Variants in ADAMTS17 observed in about 807,000 individuals in gnomAD.
ADAMTS17 encodes the protein A disintegrin and metalloproteinase with thrombospondin motifs 17.
Under a neutral mutation model 141.5 loss-of-function variants are expected in ADAMTS17, and 113 were observed. The observed-to-expected ratio is 0.80, with a 90% CI of 0.69 to 0.93. The LOEUF (loss-of-function observed/expected upper bound fraction) is 0.93, where lower values mean the gene tolerates loss of function less well. Ranked by LOEUF, ADAMTS17 falls within the 40% of genes least tolerant of loss-of-function variation. The pLI, the probability that ADAMTS17 is intolerant of heterozygous loss-of-function variation, is 0.00. For synonymous variants in ADAMTS17, 768 were observed against 630.6 expected, an observed-to-expected ratio of 1.22 and a Z score of -3.27; for missense variants, 1,659 against 1,517.9, an observed-to-expected ratio of 1.09 and a Z score of -1.54.
chr15:100,279,426 T>G (rs965486358), intron 4 of ADAMTS17, among the ~76,000 whole-genome samples: 1 of 152,074 alleles, frequency 6.6e-6, no homozygotes, highest in African/African-American at 2.4e-5. Flanking sequence ...ATTCCGGGAA[T>G]AGGCATGTCA....
At chr15:100,242,739 A>T (rs1270028318) in intron 7 of ADAMTS17, among the ~76,000 whole-genome samples, 1 of 152,200 alleles carries the variant, frequency 6.6e-6, no homozygotes, top group Non-Finnish European at 1.5e-5. Flanking sequence ...TTTTTCTTGG[A>T]CAAAATCTCA....
intron 10 of ADAMTS17, among the ~76,000 whole-genome samples, chr15:100,134,558 G>T (rs555841844): frequency 1.3e-5 from 2 of 152,168 alleles, no homozygotes; most frequent in East Asian, 1.9e-4. Flanking sequence ...GGTGGTCACC[G>T]TGTGGTTTGC....
intron 19 of ADAMTS17, among the ~76,000 whole-genome samples, chr15:99,994,902 G>A (rs1282768196): frequency 1.3e-5 from 2 of 152,254 alleles, no homozygotes; most frequent in Non-Finnish European, 2.9e-5. Flanking sequence ...TTTGTCTAAA[G>A]ATCCCATGGG....
rs10664668 is a variant in ADAMTS17, at chr15:100,152,827, C to CTTTTTTT, written c.1323-72_1323-66dup. ...GCCTAGGTTTTTTTGTTTTCTTTTT[C>CTTTTTTT]TTTTTTTTTTTGAGTTTTCAGTCAC... On this transcript the variant is annotated intron_variant, in intron 9 of 21. Transcript: ENST00000268070. 3.5e-6 allele frequency: 5 copies of CTTTTTTT among 1,423,796 alleles called. No homozygotes were observed. The East Asian group carries it at 1.3e-4, about 37-fold the overall frequency. 88.2% of individuals were successfully genotyped at this position (1,423,796 alleles called of 1,614,324 possible).
intron 18 of ADAMTS17, among the ~76,000 whole-genome samples, chr15:100,019,491 G>A (rs1211622676): frequency 6.6e-6 from 1 of 152,170 alleles, no homozygotes; most frequent in Non-Finnish European, 1.5e-5. Flanking sequence ...ACTTACAGAA[G>A]CTATAGTCAG....
intron 4 of ADAMTS17, among the ~76,000 whole-genome samples, chr15:100,277,121 G>A (rs2044124770): frequency 6.6e-6 from 1 of 152,124 alleles, no homozygotes; most frequent in Non-Finnish European, 1.5e-5. Context: ...GAAGGGCTCA[G>A]AGTCATCGCA....
chr15:100,246,077 TAC>T lies in ADAMTS17; in HGVS notation c.1075+8057_1075+8058del, dbSNP rs2042978730. Among the ~76,000 whole-genome samples the T allele has an allele frequency of 2.6e-5, 4 of 152,242 alleles. No homozygotes were observed. In the South Asian group the frequency reaches 8.3e-4, roughly 32 times the overall value. ...CTGTTCTCTTAGGCATAACAGCTCC[TAC>T]ACACAGTCTTTCGCAGACGCTCTCC... On this transcript the variant is annotated intron_variant, in intron 7 of 21. Transcript: ENST00000268070.
intron 10 of ADAMTS17, among the ~76,000 whole-genome samples, chr15:100,146,660 C>T (rs535625012): frequency 1.0e-3 from 68 of 66,038 alleles, no homozygotes; most frequent in African/African-American, 2.5e-3. Flanking sequence ...TGCCGGTGAG[C>T]CAGGCGGAAC....
At chr15:100,104,983 C>A (rs1050448263) in intron 14 of ADAMTS17, among the ~76,000 whole-genome samples, 1 of 152,190 alleles carries the variant, frequency 6.6e-6, no homozygotes, top group African/African-American at 2.4e-5. Flanking sequence ...TTGTGAGCAT[C>A]GATTTAAGAG....
At chr15:100,011,479 CA>C (rs2061181045) in intron 18 of ADAMTS17, among the ~76,000 whole-genome samples, 3 of 151,774 alleles carry the variant, frequency 2.0e-5, no homozygotes, top group African/African-American at 7.3e-5. Context: ...CAAAGGCAGG[CA>C]GGAAGATTTT....
In ADAMTS17 at chr15:100,130,988, T is replaced by C. The variant is rs538142935; in HGVS notation, c.1721+1019A>G. On this transcript the variant is annotated intron_variant, in intron 12 of 21. Transcript: ENST00000268070. ...ACCCAAATGCCCATCAATGATAGACTGGATAAAGAAAATGTGGCACATATA... is the reference window on the plus strand; with the variant it reads ...ACCCAAATGCCCATCAATGATAGACCGGATAAAGAAAATGTGGCACATATA... Among the ~76,000 whole-genome samples, 31 of 152,094 alleles carry C rather than the reference T, an allele frequency of 2.0e-4. No homozygotes were observed. The South Asian group carries it at 6.4e-3, about 32-fold the overall frequency.
chr15:100,334,685 T>G (rs1413306279), intron 2 of ADAMTS17, among the ~76,000 whole-genome samples: 4 of 152,190 alleles, frequency 2.6e-5, no homozygotes, highest in African/African-American at 9.6e-5. Flanking sequence ...GCACCCCTTC[T>G]GAGGCACCAC....
chr15:100,054,584 TA>T (rs2141604845), intron 15 of ADAMTS17, among the ~76,000 whole-genome samples: 1 of 152,288 alleles, frequency 6.6e-6, no homozygotes, highest in South Asian at 2.1e-4. Flanking sequence ...CCCCCATTAC[TA>T]AAGTGGACGT....
intron 18 of ADAMTS17, among the ~76,000 whole-genome samples, chr15:100,010,266 G>C (rs937831692): frequency 1.3e-5 from 2 of 152,204 alleles, no homozygotes; most frequent in Non-Finnish European, 2.9e-5. Context: ...GACTAATACA[G>C]GGTTCCTCAC....
chr15:100,087,687 C>T (rs1596387127), intron 15 of ADAMTS17, among the ~76,000 whole-genome samples: 1 of 152,280 alleles, frequency 6.6e-6, no homozygotes, highest in East Asian at 1.9e-4. Context: ...GTTCAACATA[C>T]ACAAATCAAG....
intron 18 of ADAMTS17, among the ~76,000 whole-genome samples, chr15:100,016,183 TGTAA>T (rs1185246796): frequency 2.6e-5 from 4 of 152,374 alleles, no homozygotes; most frequent in South Asian, 2.1e-4. Context: ...TTTGCATTTC[TGTAA>T]GTGTGTCCAA....
intron 18 of ADAMTS17, among the ~76,000 whole-genome samples, chr15:100,015,696 C>T (rs2061275570): frequency 6.6e-6 from 1 of 152,152 alleles, no homozygotes; most frequent in African/African-American, 2.4e-5. Context: ...GATAGGGCCC[C>T]AATCTCTTCT....
At chr15:100,253,642 TA>T (rs1306897035) in intron 7 of ADAMTS17, among the ~76,000 whole-genome samples, 1 of 152,034 alleles carries the variant, frequency 6.6e-6, no homozygotes, top group Non-Finnish European at 1.5e-5. Flanking sequence ...CTTTAGTCAC[TA>T]AAAAGCAAGT....
intron 17 of ADAMTS17, among the ~76,000 whole-genome samples, chr15:100,049,763 T>G (rs918654965): frequency 1.3e-5 from 2 of 152,172 alleles, no homozygotes; most frequent in African/African-American, 4.8e-5. Context: ...GTATCACAAA[T>G]AGCATCACAG....
Sources: allele counts gnomAD v4.1 joint callset (sites outside exome capture counted in the v4.1 genomes callset), GRCh38; gene constraint gnomAD v4.1.1; transcripts MANE v1.5; gene names NCBI Gene and HGNC (gene_info 2026-07-23, HGNC 2026-07-21).